ZCCHC14: variants seen among roughly 807,000 people sequenced by gnomAD.
ZCCHC14 encodes zinc finger CCHC domain-containing protein 14.
In ZCCHC14, 16 loss-of-function variants were observed where a neutral mutation model predicts 85.0. The ratio of observed to expected loss-of-function variants is 0.19; its 90% confidence interval spans 0.13 to 0.29. ZCCHC14 has a LOEUF of 0.29. Among genes scored for constraint, ZCCHC14 ranks in the 10% least tolerant of loss-of-function variants. ZCCHC14 has a pLI of 1.00. For synonymous variants in ZCCHC14, 775 were observed against 630.7 expected, an observed-to-expected ratio of 1.23 and a Z score of -3.43; for missense variants, 1,303 against 1,443.5, an observed-to-expected ratio of 0.90 and a Z score of 1.58.
chr16:87,466,404 G>GGGCATTTGAAAACTGCTC, intron 1 of ZCCHC14, among the ~76,000 whole-genome samples: 1 of 152,340 alleles, frequency 6.6e-6, no homozygotes, highest in East Asian at 1.9e-4. Context: ...CCCCACTGGT[G>GGGCATTTGAAAACTGCTC]GGCATTTGAA....
chr16:87,411,454 C>G, intron 12 of ZCCHC14, 62 bp downstream of exon 12: 5 of 1,567,304 alleles, frequency 3.2e-6, no homozygotes, highest in Non-Finnish European at 4.3e-6. Flanking sequence ...TCATAAAAAC[C>G]AAGCATTTGT....
intron 2 of ZCCHC14, among the ~76,000 whole-genome samples, chr16:87,446,109 G>A (rs933984970): frequency 6.6e-6 from 1 of 150,454 alleles, no homozygotes; most frequent in African/African-American, 2.4e-5. Flanking sequence ...AGAGGTTGTA[G>A]TGAGCCAAGA....
chr16:87,427,626 A>G (rs959314562), intron 3 of ZCCHC14, among the ~76,000 whole-genome samples: 2 of 152,024 alleles, frequency 1.3e-5, no homozygotes, highest in African/African-American at 4.8e-5. Flanking sequence ...GTTGTTTATT[A>G]GTATTGTTTT....
chr16:87,439,533 C>CTT (rs1910087236), intron 2 of ZCCHC14, among the ~76,000 whole-genome samples: 3 of 152,276 alleles, frequency 2.0e-5, no homozygotes, highest in African/African-American at 7.2e-5. Flanking sequence ...GAATCAAAAA[C>CTT]CTATGATATT....
rs1185681913 is a variant in ZCCHC14 at position 87,460,070 on chromosome 16, T to G, written c.632A>C (p.His211Pro). The G allele has an allele frequency of 6.2e-7, 1 of 1,614,084 alleles. No homozygotes were observed. Among genetic ancestry groups the G allele is most frequent in the Non-Finnish European group, 8.5e-7 (1 of 1,180,040 alleles). Residue 211 changes from histidine (H) to proline (P), a missense_variant, in exon 2 of 13, where the codon CAC (histidine) becomes CCC (proline). Around this residue, in one of 7 missense-constraint regions of ZCCHC14, gnomAD observed 389 missense variants for 397.8 expected, o/e 0.98. Transcript: ENST00000671377. ...SVSNSLENAL[H>P]TSAHSTEESL... is the part of the protein sequence containing the mutation. ...CTCCTCCGTGGAATGTGCTGATGTG[T>G]GCAGGGCATTCTCCAAACTATTACT... is the stretch of plus-strand genomic sequence containing the variant.
intron 2 of ZCCHC14, among the ~76,000 whole-genome samples, chr16:87,459,699 G>T (rs1317243822): frequency 1.3e-5 from 2 of 152,006 alleles, no homozygotes; most frequent in African/African-American, 4.8e-5. Flanking sequence ...AGTAGAGATG[G>T]GGTTTCTTCA....
rs907069508 is a variant in ZCCHC14, at chr16:87,417,640, A to G, written c.1203T>C (p.His401=). Residue 401 remains histidine, a synonymous_variant, in exon 8 of 13, where the codon CAT becomes CAC. Coordinates refer to ENST00000671377, the MANE Select transcript of ZCCHC14 (RefSeq NM_015144.3). ...CCAGGGCTGAGCCCGCGCTGCCCGC[A>G]TGGGAGCAGTGAGGCAAGGGGGCGG... ...GSAAPLPHCS[H]AGSAGSALAY... 7 of 1,613,856 alleles carry G rather than the reference A, an allele frequency of 4.3e-6. No individual in the cohort carries two copies. The highest frequency in any genetic ancestry group is 3.3e-5 in the Admixed American group (2 of 60,006).
At position 87,412,307 on chromosome 16, in the gene ZCCHC14, G is replaced by A; in HGVS notation, c.2414C>T (p.Ala805Val). 2.5e-6 allele frequency: 4 copies of A among 1,613,954 alleles called. No individual in the cohort carries two copies. Among genetic ancestry groups the A allele is most frequent in the South Asian group, 2.2e-5 (2 of 91,086 alleles). The change falls in exon 12 of 13, where the codon GCA (alanine) becomes GTA (valine). Residue 805 changes from alanine to valine, a missense_variant. This residue lies in a region of ZCCHC14 where 797 missense variants were observed against 730.8 expected (regional missense o/e 1.09). Transcript: ENST00000671377. ...PNNVQISVPPAIINPRTALYT... is the reference protein window; with the variant it reads ...PNNVQISVPPVIINPRTALYT... ...CAGAGCAGTCCGGGGGTTTATTATT[G>A]CAGGGGGCACACTTATTTGCACATT... is the stretch of plus-strand genomic sequence containing the variant.
chr16:87,407,352 A>G lies in ZCCHC14; in HGVS notation c.*2928T>C, dbSNP rs1471107329. The stretch of plus-strand genomic sequence containing the variant: ...AATACCCAATCACATATATGCATTC[A>G]AGAAAATATTTTGTCTTTATTTTTA... On this transcript the variant is annotated 3_prime_UTR_variant, in exon 13 of 13. Transcript: ENST00000671377. The G allele has an allele frequency of 1.3e-5, 2 of 152,376 alleles. No individual in the cohort carries two copies. The highest frequency in any genetic ancestry group is 1.3e-4 in the Admixed American group (2 of 15,300). The allele number at this position is 152,376 out of a possible 1,614,324, so 9.4% of individuals were successfully genotyped here. A position where few individuals can be genotyped will look rare whatever the true frequency, so the allele number is the denominator to read the frequency against.
chr16:87,443,243 T>C (rs117546094), intron 2 of ZCCHC14, among the ~76,000 whole-genome samples: 2,557 of 152,296 alleles, frequency 0.017, 26 homozygotes, highest in Middle Eastern at 0.044. Context: ...GTTTCCACCT[T>C]CCACCGGCAC....
chr16:87,467,043 TTG>T lies in ZCCHC14; in HGVS notation c.571-6914_571-6913del, dbSNP rs1491483545. 79 of 340,682 alleles carry T rather than the reference TTG, an allele frequency of 2.3e-4. No homozygotes were observed. In the Middle Eastern group the frequency reaches 2.4e-3, roughly 10 times the overall value. The allele number at this position is 340,682 out of a possible 1,614,324, so 21.1% of individuals were successfully genotyped here. ...ACGTGTTTTTCATGAAAAAAAAAAA[TTG>T]TTTTTTTTTTTTTTTTTACTAAAGA... On this transcript the variant is annotated intron_variant, in intron 1 of 12. Transcript: ENST00000671377.
intron 1 of ZCCHC14, among the ~76,000 whole-genome samples, chr16:87,469,036 C>A (rs1279687187): frequency 3.3e-5 from 5 of 152,208 alleles, no homozygotes; most frequent in Non-Finnish European, 7.3e-5. Flanking sequence ...GATGTCAAGA[C>A]ACATTGTGAG....
At chr16:87,432,479 C>A (rs953764573) in intron 3 of ZCCHC14, among the ~76,000 whole-genome samples, 4 of 152,096 alleles carry the variant, frequency 2.6e-5, no homozygotes, top group Non-Finnish European at 4.4e-5. Context: ...CACCTTGGGC[C>A]GGGAGCAGAG....
chr16:87,458,065 A>G (rs1233540058), intron 2 of ZCCHC14, among the ~76,000 whole-genome samples: 1 of 151,468 alleles, frequency 6.6e-6, no homozygotes, highest in Non-Finnish European at 1.5e-5. Flanking sequence ...TGCAGACGAG[A>G]CAATGACAGA....
chr16:87,486,596 C>G (rs182868049), intron 1 of ZCCHC14, among the ~76,000 whole-genome samples: 1 of 152,026 alleles, frequency 6.6e-6, no homozygotes, highest in African/African-American at 2.4e-5. Flanking sequence ...CCTCAATTCC[C>G]GTATCATGTA....
chr16:87,448,556 C>T (rs1442922525), intron 2 of ZCCHC14, among the ~76,000 whole-genome samples: 3 of 152,200 alleles, frequency 2.0e-5, no homozygotes, highest in Non-Finnish European at 4.4e-5. Flanking sequence ...AGCTTGGCTG[C>T]CCATTTGCGC....
At chr16:87,416,161 G>C (rs914365886) in intron 8 of ZCCHC14, among the ~76,000 whole-genome samples, 1 of 151,862 alleles carries the variant, frequency 6.6e-6, no homozygotes, top group African/African-American at 2.4e-5. Flanking sequence ...CCTGACCTCA[G>C]ATGATCCACC....
At chr16:87,450,439 C>T (rs975057833) in intron 2 of ZCCHC14, among the ~76,000 whole-genome samples, 2 of 152,134 alleles carry the variant, frequency 1.3e-5, no homozygotes, top group African/African-American at 4.8e-5. Context: ...TACTTAAGAA[C>T]ATGATATAAT....
intron 2 of ZCCHC14, among the ~76,000 whole-genome samples, chr16:87,453,607 G>A (rs905484935): frequency 3.3e-5 from 5 of 152,200 alleles, no homozygotes; most frequent in African/African-American, 7.2e-5. Flanking sequence ...CAGCTGGTGC[G>A]GTCTAAGGAC....
Sources: gnomAD v4.1 joint callset for allele counts (sites outside exome capture counted in the v4.1 genomes callset) on GRCh38, gnomAD v4.1.1 for gene constraint, gnomAD v4.1.1 regional missense constraint, MANE v1.5 for transcripts, NCBI Gene and HGNC (gene_info 2026-07-23, HGNC 2026-07-21) for gene names.